Variants in ATG7 observed in about 807,000 individuals in gnomAD.
ATG7 encodes the protein autophagy related 7, also known as ubiquitin-like modifier-activating enzyme ATG7.
ATG7 carries 70 observed loss-of-function variants against 82.4 expected under a neutral mutation model. The ratio of observed to expected loss-of-function variants is 0.85; its 90% CI spans 0.70 to 1.04. ATG7 has a LOEUF of 1.04. Among genes scored for constraint, ATG7 ranks in the 50% least tolerant of loss-of-function variants. The pLI, the probability that ATG7 is intolerant of heterozygous loss-of-function variation, is 0.00. For synonymous variants in ATG7, 287 were observed against 313.0 expected, an observed-to-expected ratio of 0.92 and a Z score of 0.88; for missense variants, 792 against 864.3, an observed-to-expected ratio of 0.92 and a Z score of 1.05.
intron 20 of ATG7, among the ~76,000 whole-genome samples, chr3:11,506,310 T>C (rs2091705660): frequency 6.6e-6 from 1 of 152,178 alleles, no homozygotes; most frequent in Non-Finnish European, 1.5e-5. Flanking sequence ...ATTATTTAAA[T>C]GTAATTCGAG....
chr3:11,306,914 C>T (rs758912787), intron 5 of ATG7, 29 bp from the exon 6 acceptor site: 1 of 1,588,848 alleles, frequency 6.3e-7, no homozygotes, highest in South Asian at 1.1e-5. Context: ...CCAGCTGTGC[C>T]TGACTAACCG....
At chr3:11,326,930 A>C (rs745344927) in intron 9 of ATG7, among the ~76,000 whole-genome samples, 1 of 152,202 alleles carries the variant, frequency 6.6e-6, no homozygotes, top group Non-Finnish European at 1.5e-5. Flanking sequence ...AGACCCTGTA[A>C]TGTTGAGAAA....
chr3:11,473,499 C>T (rs2087776743), intron 20 of ATG7, among the ~76,000 whole-genome samples: 1 of 152,102 alleles, frequency 6.6e-6, no homozygotes, highest in African/African-American at 2.4e-5. Flanking sequence ...TGGAAAAACT[C>T]GGGATTCAGT....
chr3:11,527,072 T>C (rs2092598407), intron 20 of ATG7, among the ~76,000 whole-genome samples: 2 of 88,614 alleles, frequency 2.3e-5, no homozygotes, highest in African/African-American at 1.0e-4. Context: ...TGTGTGTGTG[T>C]ATATATATAT....
chr3:11,510,378 AGTTT>A, intron 20 of ATG7: 2 of 405,446 alleles, frequency 4.9e-6, no homozygotes, highest in Admixed American at 6.1e-5. Context: ...TCCCTGCCCC[AGTTT>A]AAAAAAAAAA....
chr3:11,429,845 A>G (rs1576355631), intron 20 of ATG7, among the ~76,000 whole-genome samples: 5 of 149,356 alleles, frequency 3.3e-5, no homozygotes. Context: ...CTACTCTGGG[A>G]TGAGGCAGGA....
At chr3:11,364,570 T>C in intron 17 of ATG7, 89 bp from the exon 18 acceptor site, 1 of 1,438,596 alleles carries the variant, frequency 7.0e-7, no homozygotes, top group South Asian at 1.2e-5. Context: ...TAGTTATCCT[T>C]ATGAATCTTA....
intron 2 of ATG7, among the ~76,000 whole-genome samples, chr3:11,281,956 C>T (rs1943138513): frequency 6.6e-6 from 1 of 152,072 alleles, no homozygotes; most frequent in South Asian, 2.1e-4. Context: ...ATAACTCAGC[C>T]AGCTTTTAGG....
intron 20 of ATG7, chr3:11,446,707 C>T (rs2084591703): frequency 4.1e-6 from 1 of 242,676 alleles, no homozygotes; most frequent in Non-Finnish European, 8.2e-6. Flanking sequence ...TACCCCACTG[C>T]CAGGGACTCA....
At chr3:11,338,167 C>G (rs1952847168) in intron 11 of ATG7, among the ~76,000 whole-genome samples, 1 of 152,126 alleles carries the variant, frequency 6.6e-6, no homozygotes, top group Non-Finnish European at 1.5e-5. Flanking sequence ...TCCATGAGTT[C>G]TCATCATTTA....
chr3:11,326,153 C>T (rs190470524), intron 9 of ATG7, among the ~76,000 whole-genome samples: 2 of 152,272 alleles, frequency 1.3e-5, no homozygotes, highest in East Asian at 3.9e-4. Context: ...CACATACCTG[C>T]TTACTGTTAA....
intron 20 of ATG7, among the ~76,000 whole-genome samples, chr3:11,484,863 G>T (rs2089446510): frequency 6.6e-6 from 1 of 152,088 alleles, no homozygotes; most frequent in Non-Finnish European, 1.5e-5. Context: ...TCCCTACAAA[G>T]GACATGAACT....
intron 20 of ATG7, among the ~76,000 whole-genome samples, chr3:11,540,445 C>G (rs2070719933): frequency 6.6e-6 from 1 of 151,092 alleles, no homozygotes; most frequent in Admixed American, 6.6e-5. Context: ...GTTCTTCCAC[C>G]CTGAGCAACA....
chr3:11,480,543 G>A (rs1199360723), intron 20 of ATG7, among the ~76,000 whole-genome samples: 1 of 152,050 alleles, frequency 6.6e-6, no homozygotes, highest in Non-Finnish European at 1.5e-5. Context: ...CCTCCAGCCT[G>A]GGCAACAAAG....
At chr3:11,504,766 G>C (rs1472966831) in intron 20 of ATG7, among the ~76,000 whole-genome samples, 1 of 152,258 alleles carries the variant, frequency 6.6e-6, no homozygotes, top group East Asian at 1.9e-4. Context: ...GTACAAGAAA[G>C]AATAAGTAAT....
intron 20 of ATG7, among the ~76,000 whole-genome samples, chr3:11,443,470 C>T (rs1195055595): frequency 6.6e-6 from 1 of 152,196 alleles, no homozygotes; most frequent in African/African-American, 2.4e-5. Flanking sequence ...ACTGCAGCCT[C>T]AACCTTCCAA....
chr3:11,559,461 G>A, downstream of ATG7: 2 of 1,553,074 alleles, frequency 1.3e-6, no homozygotes, highest in Non-Finnish European at 1.7e-6. Flanking sequence ...CGGTTCTGCG[G>A]GGAGGAGGGG....
intron 20 of ATG7, among the ~76,000 whole-genome samples, chr3:11,502,967 A>G (rs1468485468): frequency 6.6e-6 from 1 of 152,202 alleles, no homozygotes; most frequent in East Asian, 1.9e-4. Context: ...CACCAGCCAG[A>G]GTTGAAAGTA....
In ATG7 at chr3:11,430,179, T is replaced by C. The variant is rs80131190; in HGVS notation, c.2079+3253T>C. 2.3e-3 allele frequency among the ~76,000 whole-genome samples: 352 copies of C among 152,270 alleles called. 1 individual carries two copies. The highest frequency in any genetic ancestry group is 8.1e-3 in the African/African-American group (337 of 41,554). ...GATCATTATTTTTCTTAACTCTGAA[T>C]AGGACTGTGTTTTAAGATAAGGTTT... On this transcript the variant is annotated intron_variant, in intron 20 of 20. Transcript: ENST00000693202.
Sources: gnomAD v4.1 joint callset for allele counts (sites outside exome capture counted in the v4.1 genomes callset) on GRCh38, gnomAD v4.1.1 for gene constraint, MANE v1.5 for transcripts, NCBI Gene and HGNC (gene_info 2026-07-23, HGNC 2026-07-21) for gene names.